Variants in ATP10B observed in about 807,000 individuals in gnomAD.
ATP10B encodes ATPase phospholipid transporting 10B (putative).
Under a neutral mutation model 141.2 loss-of-function variants are expected in ATP10B, and 122 were observed. The ratio of observed to expected loss-of-function variants is 0.86; its 90% CI spans 0.75 to 1.00. The LOEUF is 1.00. Among genes scored for constraint, ATP10B ranks in the 50% least tolerant of loss-of-function variants. The pLI is 0.00. For synonymous variants in ATP10B, 685 were observed against 692.0 expected, an observed-to-expected ratio of 0.99 and a Z score of 0.16; for missense variants, 1,876 against 1,825.3, an observed-to-expected ratio of 1.03 and a Z score of -0.51.
At chr5:160,646,048 G>A (rs1315869647) in intron 8 of ATP10B, among the ~76,000 whole-genome samples, 1 of 152,118 alleles carries the variant, frequency 6.6e-6, no homozygotes, top group African/African-American at 2.4e-5. Context: ...GACTCTTTGT[G>A]GTCTGGGAAG....
chr5:160,816,348 C>T (rs1773623957), intron 1 of ATP10B, among the ~76,000 whole-genome samples: 1 of 152,014 alleles, frequency 6.6e-6, no homozygotes, highest in Admixed American at 6.6e-5. Context: ...GAAATACAAA[C>T]TACCATCAGA....
At chr5:160,804,283 A>G (rs1053583860) in intron 1 of ATP10B, among the ~76,000 whole-genome samples, 10 of 152,092 alleles carry the variant, frequency 6.6e-5, no homozygotes, top group Admixed American at 2.0e-4. Context: ...TCTGGTCTCA[A>G]TTGTATACTC....
At chr5:160,663,778 T>C (rs1268728231) in intron 7 of ATP10B, among the ~76,000 whole-genome samples, 1 of 70,238 alleles carries the variant, frequency 1.4e-5, no homozygotes, top group Non-Finnish European at 3.3e-5. Context: ...ATCCTAAAAC[T>C]TAAAGTATAA....
rs773939732 is a variant in ATP10B, at chr5:160,569,481, C to A, written c.3938+15G>T. 4 of 1,613,262 alleles carry A rather than the reference C, an allele frequency of 2.5e-6. No individual in the cohort carries two copies. Among genetic ancestry groups the A allele is most frequent in the South Asian group, 2.2e-5 (2 of 91,014 alleles). On this transcript the variant is annotated intron_variant, in intron 25 of 25. Coordinates refer to ENST00000327245, the MANE Select transcript of ATP10B (RefSeq NM_025153.3). ...TGGTAATTTTAGGAAAGAAACACAG[C>A]CCTAGTGCTCAAACCTTGGGAGAAG...
intron 7 of ATP10B, among the ~76,000 whole-genome samples, chr5:160,667,305 G>A (rs1762382653): frequency 6.6e-6 from 1 of 152,088 alleles, no homozygotes; most frequent in African/African-American, 2.4e-5. Context: ...AACACTTCCC[G>A]GCTCAGTGAC....
At chr5:160,890,791 C>T in the ATP10B span, among the ~76,000 whole-genome samples, 152 of 152,090 alleles carry the variant, frequency 1.0e-3, no homozygotes, top group African/African-American at 3.6e-3. Context: ...CACAGCTCAC[C>T]GCAGCCTCTA....
chr5:160,778,383 T>A (rs1770487442), intron 2 of ATP10B, among the ~76,000 whole-genome samples: 1 of 152,230 alleles, frequency 6.6e-6, no homozygotes, highest in Non-Finnish European at 1.5e-5. Flanking sequence ...CTGAAGAGAT[T>A]TGATGACACA....
intron 21 of ATP10B, among the ~76,000 whole-genome samples, chr5:160,601,480 C>T (rs1290477430): frequency 3.3e-5 from 5 of 152,180 alleles, no homozygotes; most frequent in Admixed American, 6.6e-5. Flanking sequence ...TAGCCTAGCA[C>T]GGTTCTGACT....
At position 160,760,184 on chromosome 5, in the gene ATP10B, G is replaced by A. The variant is rs373515082; in HGVS notation, c.-331+25375C>T. 9.9e-5 allele frequency among the ~76,000 whole-genome samples: 15 copies of A among 152,226 alleles called. 1 individual carries two copies. Among genetic ancestry groups the A allele is most frequent in the African/African-American group, 3.4e-4 (14 of 41,546 alleles). On this transcript the variant is annotated intron_variant, in intron 2 of 25. Coordinates refer to ENST00000327245, the MANE Select transcript of ATP10B (RefSeq NM_025153.3). ...GCACCTTGATACCCTCAGAATATAA[G>A]CCAACACCTTTACTTATTAACTGCT... is the stretch of plus-strand genomic sequence containing the variant.
intron 1 of ATP10B, among the ~76,000 whole-genome samples, chr5:160,829,669 T>G (rs1774923301): frequency 6.6e-6 from 1 of 152,144 alleles, no homozygotes. Flanking sequence ...TAGCAATCTT[T>G]CATCTCATTC....
chr5:160,824,833 G>A (rs1303588649), intron 1 of ATP10B, among the ~76,000 whole-genome samples: 1 of 152,126 alleles, frequency 6.6e-6, no homozygotes, highest in African/African-American at 2.4e-5. Context: ...AATTGCATGT[G>A]AGAAGGCACT....
rs562410958 is a variant in ATP10B at position 160,848,955 on chromosome 5, G to T, written c.-576+2986C>A. ...TAACTGGGCATGTTCTCCAGGTCATGGTTCTGGAACTCCATCAGAATCACC... is the reference window on the plus strand; with the variant it reads ...TAACTGGGCATGTTCTCCAGGTCATTGTTCTGGAACTCCATCAGAATCACC... On this transcript the variant is annotated intron_variant, in intron 1 of 25. Transcript: ENST00000327245. Among the ~76,000 whole-genome samples the T allele has an allele frequency of 2.0e-5, 3 of 152,320 alleles. No homozygotes were observed. In the East Asian group the frequency reaches 5.8e-4, roughly 29 times the overall value.
At chr5:160,819,941 A>G (rs778280992) in intron 1 of ATP10B, among the ~76,000 whole-genome samples, 4 of 152,094 alleles carry the variant, frequency 2.6e-5, no homozygotes, top group Non-Finnish European at 5.9e-5. Context: ...TCAAATCAAC[A>G]ATCTAACAAT....
intron 2 of ATP10B, among the ~76,000 whole-genome samples, chr5:160,741,201 T>C (rs966337147): frequency 2.0e-5 from 3 of 152,176 alleles, no homozygotes; most frequent in African/African-American, 7.2e-5. Flanking sequence ...AACACTCTTT[T>C]ACCCTGAAGT....
intron 1 of ATP10B, among the ~76,000 whole-genome samples, chr5:160,847,404 G>A (rs896919528): frequency 2.0e-5 from 3 of 152,154 alleles, no homozygotes; most frequent in African/African-American, 7.2e-5. Context: ...AACAGCTTCT[G>A]ATTTTATAAC....
rs548840533 is a variant in ATP10B, at chr5:160,755,612, G to A, written c.-331+29947C>T. ...GGGCGGATCACGAGGTCAGGAGATC[G>A]AGACCATCCCGGCTAAAACGGTGAA... On this transcript the variant is annotated intron_variant, in intron 2 of 25. Coordinates refer to ENST00000327245, the MANE Select transcript of ATP10B (RefSeq NM_025153.3). 6.8e-3 allele frequency among the ~76,000 whole-genome samples: 1,014 copies of A among 149,726 alleles called. 10 individuals carry two copies. The highest frequency in any genetic ancestry group is 0.012 in the Non-Finnish European group (784 of 67,430).
intron 2 of ATP10B, among the ~76,000 whole-genome samples, chr5:160,726,630 C>G (rs1313420087): frequency 3.0e-5 from 4 of 133,746 alleles, no homozygotes; most frequent in South Asian, 2.4e-4. Flanking sequence ...AAAAGGGAAA[C>G]AGAGAGAGCA....
intron 22 of ATP10B, among the ~76,000 whole-genome samples, chr5:160,592,574 G>A (rs1196161777): frequency 6.6e-6 from 1 of 152,226 alleles, no homozygotes; most frequent in Non-Finnish European, 1.5e-5. Flanking sequence ...AGGACAGTGG[G>A]TGCAGTGCAC....
chr5:160,824,565 A>G (rs1172198994), intron 1 of ATP10B, among the ~76,000 whole-genome samples: 1 of 152,220 alleles, frequency 6.6e-6, no homozygotes, highest in Admixed American at 6.5e-5. Context: ...GAACTTGTAC[A>G]AACCTAGATG....
Sources: allele counts gnomAD v4.1 joint callset (sites outside exome capture counted in the v4.1 genomes callset), GRCh38; gene constraint gnomAD v4.1.1; transcripts MANE v1.5; gene names NCBI Gene and HGNC (gene_info 2026-07-23, HGNC 2026-07-21).